The following SCLT1 variants were observed in gnomAD, a reference collection of about 807,000 sequenced individuals.
SCLT1 encodes the protein sodium channel and clathrin linker 1, also known as sodium channel-associated protein 1.
Under a neutral mutation model 112.8 loss-of-function variants are expected in SCLT1, and 78 were observed. The observed-to-expected ratio is 0.69, with a 90% CI of 0.58 to 0.83. The LOEUF (loss-of-function observed/expected upper bound fraction) is 0.83. Among genes scored for constraint, SCLT1 ranks in the 40% least tolerant of loss-of-function variants. The pLI, the probability that SCLT1 is intolerant of heterozygous loss-of-function variation, is 0.00. For synonymous variants in SCLT1, 257 were observed against 254.7 expected (o/e 1.01, Z -0.09); for missense variants, 747 against 770.4 (o/e 0.97, Z 0.36).
At chr4:128,933,880 C>T (rs1362338066) in intron 18 of SCLT1, among the ~76,000 whole-genome samples, 1 of 151,970 alleles carries the variant, frequency 6.6e-6, no homozygotes, top group East Asian at 1.9e-4. Flanking sequence ...TTATTTCTAA[C>T]AATATGACTA....
intron 14 of SCLT1, 25 bp from the exon 15 acceptor site, chr4:128,948,595 A>T: frequency 9.2e-6 from 14 of 1,530,042 alleles, no homozygotes; most frequent in Non-Finnish European, 1.3e-5. Context: ...CATATTGTAA[A>T]TATATACATT....
intron 17 of SCLT1, among the ~76,000 whole-genome samples, chr4:128,939,926 G>A (rs1737537832): frequency 6.6e-6 from 1 of 152,094 alleles, no homozygotes; most frequent in Non-Finnish European, 1.5e-5. Flanking sequence ...CAGTTACAAA[G>A]CAATTTATCT....
intron 11 of SCLT1, among the ~76,000 whole-genome samples, chr4:128,960,574 T>C (rs1739601634): frequency 6.6e-6 from 1 of 152,208 alleles, no homozygotes; most frequent in Non-Finnish European, 1.5e-5. Flanking sequence ...CTTCTAATCT[T>C]CTTTGCATAT....
At chr4:129,035,725 AG>A (rs1747122204) in intron 5 of SCLT1, among the ~76,000 whole-genome samples, 1 of 152,074 alleles carries the variant, frequency 6.6e-6, no homozygotes, top group Non-Finnish European at 1.5e-5. Flanking sequence ...CTATGAGAGG[AG>A]GAAAAAATAG....
At chr4:129,048,504 T>G (rs553509335) in intron 2 of SCLT1, among the ~76,000 whole-genome samples, 1,778 of 147,952 alleles carry the variant, frequency 0.012, 59 homozygotes, top group South Asian at 0.023. Flanking sequence ...ACTTAAATGT[T>G]AGACCTAAAA....
intron 7 of SCLT1, among the ~76,000 whole-genome samples, chr4:128,998,543 C>T (rs918201578): frequency 1.3e-5 from 2 of 151,800 alleles, no homozygotes; most frequent in African/African-American, 4.8e-5. Context: ...TATAAGGACC[C>T]ATCAAACTAT....
intron 18 of SCLT1, among the ~76,000 whole-genome samples, chr4:128,922,448 C>T (rs889002497): frequency 2.0e-5 from 3 of 152,036 alleles, no homozygotes; most frequent in Non-Finnish European, 2.9e-5. Context: ...GGTATATATA[C>T]CCCAAGGAAT....
chr4:128,997,399 GT>G (rs1743102934), intron 8 of SCLT1: 2 of 151,844 alleles, frequency 1.3e-5, no homozygotes, highest in East Asian at 3.9e-4. Flanking sequence ...GAATAAGAAG[GT>G]AAAGAGCAGA....
At chr4:129,084,875 G>C (rs1752259473) in intron 1 of SCLT1, among the ~76,000 whole-genome samples, 1 of 152,068 alleles carries the variant, frequency 6.6e-6, no homozygotes, top group Non-Finnish European at 1.5e-5. Flanking sequence ...AATAACTCAA[G>C]ACGAATTAAA....
intron 18 of SCLT1, among the ~76,000 whole-genome samples, chr4:128,916,888 C>G (rs1413472322): frequency 6.6e-6 from 1 of 152,108 alleles, no homozygotes; most frequent in Non-Finnish European, 1.5e-5. Context: ...AGAGGCTGGT[C>G]AGTTCCTGTT....
intron 20 of SCLT1, among the ~76,000 whole-genome samples, chr4:128,885,712 T>G (rs766950194): frequency 3.9e-5 from 6 of 152,204 alleles, no homozygotes; most frequent in Non-Finnish European, 7.3e-5. Context: ...CATTTACAGT[T>G]TTTGAAAGAT....
chr4:129,043,443 C>A lies in SCLT1; in HGVS notation c.186G>T (p.Glu62Asp). 6.5e-7 allele frequency: 1 copy of A among 1,542,776 alleles called. No homozygotes were observed. Among genetic ancestry groups the A allele is most frequent in the Admixed American group, 1.8e-5 (1 of 56,140 alleles). ...TTAGTTCTCCTAGGTGTTTATCATA[C>A]TCAGTAACAAGAGGAGCTAAAAAGC... ...DQSFLAPLVT[E>D]YDKHLGELNG... Residue 62 changes from glutamate (E) to aspartate (D), a missense_variant, in exon 4 of 21, where the codon GAG becomes GAT. By Grantham distance (45) the Glu-to-Asp change is conservative (BLOSUM62 2). Around this residue, in one of 2 missense-constraint regions of SCLT1, gnomAD observed 723 missense variants for 721.3 expected, o/e 1.00. Coordinates refer to ENST00000281142, the MANE Select transcript of SCLT1 (RefSeq NM_144643.4).
At chr4:128,978,456 AAAAC>A (rs1340793274) in intron 9 of SCLT1, among the ~76,000 whole-genome samples, 6 of 152,172 alleles carry the variant, frequency 3.9e-5, no homozygotes, top group African/African-American at 1.4e-4. Flanking sequence ...ACAAAACAAA[AAAAC>A]AAGCAACAAA....
intron 18 of SCLT1, among the ~76,000 whole-genome samples, chr4:128,903,541 T>A (rs1246836267): frequency 2.0e-5 from 3 of 152,166 alleles, no homozygotes; most frequent in Non-Finnish European, 4.4e-5. Context: ...AAAAACCATA[T>A]TTTAGATAAA....
intron 11 of SCLT1, among the ~76,000 whole-genome samples, chr4:128,960,905 C>A (rs28541842): frequency 9.3e-6 from 1 of 107,710 alleles, no homozygotes; most frequent in African/African-American, 3.9e-5. Context: ...CCGGCCTGGG[C>A]GACAGAGCGA....
At chr4:129,044,397 T>C (rs1747984442) in intron 2 of SCLT1, among the ~76,000 whole-genome samples, 2 of 151,918 alleles carry the variant, frequency 1.3e-5, no homozygotes, top group Non-Finnish European at 2.9e-5. Context: ...AAACTCAGTA[T>C]AATCTACCAA....
At chr4:129,070,120 T>C (rs951977523) in intron 2 of SCLT1, among the ~76,000 whole-genome samples, 12 of 152,188 alleles carry the variant, frequency 7.9e-5, no homozygotes, top group African/African-American at 2.9e-4. Flanking sequence ...TTAATCATAG[T>C]GGATTATCTT....
intron 9 of SCLT1, chr4:128,972,052 G>T (rs1174621040): frequency 2.6e-5 from 4 of 151,594 alleles, no homozygotes; most frequent in Non-Finnish European, 4.4e-5. Context: ...ACAAAAATAG[G>T]TTTTTTTCAT....
intron 5 of SCLT1, among the ~76,000 whole-genome samples, chr4:129,024,266 G>A (rs927962140): frequency 6.6e-6 from 1 of 152,200 alleles, no homozygotes; most frequent in Admixed American, 6.5e-5. Flanking sequence ...CCTGACCCCT[G>A]ACCCCTGAGC....
Sources: allele counts gnomAD v4.1 joint callset (sites outside exome capture counted in the v4.1 genomes callset), GRCh38; gene constraint gnomAD v4.1.1; regional missense constraint gnomAD v4.1.1; transcripts MANE v1.5; gene names NCBI Gene and HGNC (gene_info 2026-07-23, HGNC 2026-07-21).